Variants in CFDP1 observed in about 807,000 individuals in gnomAD.
CFDP1 encodes chromatin remodeling protein CFDP1.
CFDP1 carries 31 observed loss-of-function variants against 40.1 expected under a neutral mutation model. That is an observed-to-expected ratio of 0.77 (90% CI 0.58 to 1.04). CFDP1 has a LOEUF of 1.04. CFDP1 is among the 50% of genes least tolerant of loss of function. CFDP1 has a pLI of 0.00. For missense variants in CFDP1, 423 were observed against 343.4 expected, an observed-to-expected ratio of 1.23 and a Z score of -1.83; for synonymous variants, 167 against 120.0, an observed-to-expected ratio of 1.39 and a Z score of -2.56.
rs1335379417 is a variant in CFDP1 at position 75,384,896 on chromosome 16, ATATT to A, written c.650+10190_650+10193del. On this transcript the variant is annotated intron_variant, in intron 5 of 6. Transcript: ENST00000283882. ...TATATATATATATATATATATATAT[ATATT>A]GCAGACCAGTACAGACAGGGTAAGT... is the stretch of plus-strand genomic sequence containing the variant. Among the ~76,000 whole-genome samples, 147 of 141,348 alleles carry A rather than the reference ATATT, an allele frequency of 1.0e-3. 1 individual carries two copies. The highest frequency in any genetic ancestry group is 3.8e-3 in the African/African-American group (133 of 35,240). 92.7% of individuals were successfully genotyped at this position (141,348 alleles called of 152,430 possible).
chr16:75,376,371 A>AT (rs1410686469), intron 5 of CFDP1, among the ~76,000 whole-genome samples: 1 of 152,232 alleles, frequency 6.6e-6, no homozygotes, highest in Non-Finnish European at 1.5e-5. Flanking sequence ...GGATAGATGG[A>AT]TAAACTGTGG....
At chr16:75,409,960 C>G (rs2079142380) in intron 4 of CFDP1, among the ~76,000 whole-genome samples, 1 of 146,480 alleles carries the variant, frequency 6.8e-6, no homozygotes, top group Non-Finnish European at 1.5e-5. Context: ...AGTAGTACAT[C>G]CCTGAAGTCC....
intron 5 of CFDP1, among the ~76,000 whole-genome samples, chr16:75,373,938 G>A (rs1005221632): frequency 3.3e-5 from 5 of 152,162 alleles, no homozygotes. Context: ...CTAAATGTCT[G>A]TATAGGGAGT....
intron 5 of CFDP1, among the ~76,000 whole-genome samples, chr16:75,307,603 G>C (rs1244913684): frequency 6.6e-6 from 1 of 152,092 alleles, no homozygotes; most frequent in Non-Finnish European, 1.5e-5. Flanking sequence ...CTGTTACCCA[G>C]GCTAGAGTAC....
intron 5 of CFDP1, among the ~76,000 whole-genome samples, chr16:75,388,295 T>C (rs1027012220): frequency 3.9e-5 from 6 of 152,240 alleles, no homozygotes; most frequent in African/African-American, 1.4e-4. Context: ...AAGCAGCCAA[T>C]AAATAGACAT....
chr16:75,412,795 A>C (rs1251549076), intron 2 of CFDP1, 41 bp from the exon 3 acceptor site: 1 of 1,521,656 alleles, frequency 6.6e-7, no homozygotes, highest in African/African-American at 1.4e-5. Context: ...AGACAGCACA[A>C]AACGATTTCA....
chr16:75,334,263 C>A (rs1215490394), intron 5 of CFDP1, among the ~76,000 whole-genome samples: 1 of 151,850 alleles, frequency 6.6e-6, no homozygotes, highest in Non-Finnish European at 1.5e-5. Flanking sequence ...ACGTTTGCTT[C>A]TTTTTTCCCC....
At chr16:75,300,195 C>A (rs972596448) in intron 6 of CFDP1, among the ~76,000 whole-genome samples, 2 of 152,042 alleles carry the variant, frequency 1.3e-5, no homozygotes, top group Non-Finnish European at 2.9e-5. Flanking sequence ...AGTGGGGCTG[C>A]GTGAATAGAA....
At chr16:75,405,033 G>A (rs1309034664) in intron 4 of CFDP1, among the ~76,000 whole-genome samples, 1 of 152,182 alleles carries the variant, frequency 6.6e-6, no homozygotes, top group Non-Finnish European at 1.5e-5. Context: ...TCCAAGATGA[G>A]ATGGGCACAG....
chr16:75,367,556 G>A (rs1378449191), intron 5 of CFDP1, among the ~76,000 whole-genome samples: 1 of 151,978 alleles, frequency 6.6e-6, no homozygotes, highest in African/African-American at 2.4e-5. Flanking sequence ...ACTGTGGGAG[G>A]TCGAGGTGGG....
intron 4 of CFDP1, among the ~76,000 whole-genome samples, chr16:75,402,599 T>C (rs2151573137): frequency 6.6e-6 from 1 of 152,326 alleles, no homozygotes; most frequent in South Asian, 2.1e-4. Flanking sequence ...GACCTACAAA[T>C]TCCTTCCTGT....
intron 5 of CFDP1, among the ~76,000 whole-genome samples, chr16:75,309,819 CAAAAAAAAAAA>C (rs1156624164): frequency 6.5e-5 from 3 of 46,480 alleles, no homozygotes; most frequent in South Asian, 1.6e-3. Context: ...GACTCCATCT[CAAAAAAAAAAA>C]AAAAAAAAAA....
chr16:75,344,229 C>A (rs2078546539), intron 5 of CFDP1, among the ~76,000 whole-genome samples: 1 of 152,206 alleles, frequency 6.6e-6, no homozygotes, highest in Admixed American at 6.5e-5. Context: ...AGGGACTATG[C>A]ATGTTTTTTC....
intron 5 of CFDP1, among the ~76,000 whole-genome samples, chr16:75,316,328 GCTT>G (rs1762716644): frequency 6.6e-6 from 1 of 152,100 alleles, no homozygotes; most frequent in Non-Finnish European, 1.5e-5. Context: ...AAAGTTGACC[GCTT>G]CTTATTTCTT....
intron 5 of CFDP1, among the ~76,000 whole-genome samples, chr16:75,390,411 T>C (rs1238757970): frequency 1.3e-5 from 2 of 152,228 alleles, no homozygotes; most frequent in Non-Finnish European, 2.9e-5. Context: ...TCCCCTACCC[T>C]TGATATCTGA....
At chr16:75,398,000 T>C (rs950456858) in intron 4 of CFDP1, among the ~76,000 whole-genome samples, 1 of 152,174 alleles carries the variant, frequency 6.6e-6, no homozygotes, top group Admixed American at 6.5e-5. Flanking sequence ...ATAAGGAGAA[T>C]ACACCTCAAC....
chr16:75,400,479 G>A (rs964722226), intron 4 of CFDP1, among the ~76,000 whole-genome samples: 2 of 152,130 alleles, frequency 1.3e-5, no homozygotes, highest in African/African-American at 4.8e-5. Flanking sequence ...GTAGAGGAAA[G>A]GAATAGGGCT....
chr16:75,370,890 TAAAG>T (rs1199134893), intron 5 of CFDP1, among the ~76,000 whole-genome samples: 4 of 152,258 alleles, frequency 2.6e-5, no homozygotes, highest in Non-Finnish European at 5.9e-5. Flanking sequence ...AAAAAAAACT[TAAAG>T]ATCCATTTGC....
chr16:75,389,384 TA>T (rs562120474), intron 5 of CFDP1, among the ~76,000 whole-genome samples: 78 of 152,364 alleles, frequency 5.1e-4, no homozygotes, highest in South Asian at 8.3e-4. Context: ...CTAATTAAAG[TA>T]GGGCTTATTC....
Sources: allele counts gnomAD v4.1 joint callset (sites outside exome capture counted in the v4.1 genomes callset), GRCh38; gene constraint gnomAD v4.1.1; transcripts MANE v1.5; gene names NCBI Gene and HGNC (gene_info 2026-07-23, HGNC 2026-07-21).